STAB2: variants seen among roughly 807,000 people sequenced by gnomAD.
The protein encoded by STAB2 is stabilin 2, also known as stabilin-2.
STAB2 carries 288 observed loss-of-function variants against 338.1 expected under a neutral mutation model. That is an observed-to-expected ratio of 0.85 (90% CI 0.77 to 0.94). STAB2 has a LOEUF of 0.94. Among genes scored for constraint, STAB2 ranks in the 40% least tolerant of loss-of-function variants. STAB2 has a pLI of 0.00. For missense variants in STAB2, 3,141 were observed against 3,210.1 expected (o/e 0.98, Z 0.52); for synonymous variants, 1,202 against 1,193.3 (o/e 1.01, Z -0.15).
chr12:103,620,056 G>A (rs752162534), intron 3 of STAB2, among the ~76,000 whole-genome samples: 1 of 152,174 alleles, frequency 6.6e-6, no homozygotes, highest in Non-Finnish European at 1.5e-5. Context: ...CCTGGCCTTA[G>A]TCAAGCCAAG....
chr12:103,764,103 A>G (rs1273841999), intron 68 of STAB2, among the ~76,000 whole-genome samples: 2 of 151,630 alleles, frequency 1.3e-5, no homozygotes, highest in Non-Finnish European at 2.9e-5. Context: ...ACAGGCGCAT[A>G]CCACCATGCC....
At chr12:103,658,329 C>T (rs549122024) in intron 15 of STAB2, among the ~76,000 whole-genome samples, 7 of 152,270 alleles carry the variant, frequency 4.6e-5, no homozygotes, top group South Asian at 4.1e-4. Context: ...TCTTCAACAA[C>T]GACAGCTCCT....
intron 6 of STAB2, 99 bp downstream of exon 6, chr12:103,631,792 G>A (rs1957467660): frequency 9.5e-6 from 11 of 1,155,896 alleles, no homozygotes; most frequent in South Asian, 2.9e-5. Context: ...GCAGGGGCAA[G>A]GTACTACCAA....
rs1399542909 is a variant in STAB2, at chr12:103,670,713, C to T, written c.2277C>T (p.Gly759=). The T allele has an allele frequency of 8.7e-6, 14 of 1,613,874 alleles. No homozygotes were observed. The highest frequency in any genetic ancestry group is 1.6e-4 in the Middle Eastern group (1 of 6,084). ...SGNGQCADSL[G]GNGTCICEEG... is the part of the protein sequence containing the mutation. ...GCTCCCAGTGTGCAGATAGCCTCGGCGGCAACGGGACATGCATTTGTGAGG... is the reference window on the plus strand; with the variant it reads ...GCTCCCAGTGTGCAGATAGCCTCGGTGGCAACGGGACATGCATTTGTGAGG... Residue 759 remains glycine (G), a synonymous_variant, in exon 22 of 69, where the codon GGC becomes GGT. Transcript: ENST00000388887.
intron 49 of STAB2, among the ~76,000 whole-genome samples, chr12:103,730,866 T>C (rs1881580902): frequency 6.6e-6 from 1 of 152,084 alleles, no homozygotes; most frequent in African/African-American, 2.4e-5. Flanking sequence ...CTGGGCAACA[T>C]AGTGAAACCC....
At chr12:103,672,347 A>T (rs538112237) in intron 22 of STAB2, among the ~76,000 whole-genome samples, 172 of 152,310 alleles carry the variant, frequency 1.1e-3, no homozygotes, top group African/African-American at 4.0e-3. Context: ...CAATGTTGGC[A>T]TTTGTCTGAG....
chr12:103,739,458 G>C lies in STAB2; in HGVS notation c.5744G>C (p.Ser1915Thr), dbSNP rs770085047. ...AATACTCCCAGCTGCCCAAGGTGGA[G>C]TAAACCAAAGGTAATTAAGACTGCA... is the stretch of plus-strand genomic sequence containing the variant. ...CVNTPSCPRWSKPKGVKQKCL... is the reference protein window; with the variant it reads ...CVNTPSCPRWTKPKGVKQKCL... Residue 1915 changes from serine to threonine, a missense_variant, in exon 54 of 69, where the codon AGT (serine) becomes ACT (threonine). By Grantham distance (58) the Ser-to-Thr change is moderately conservative. Coordinates refer to ENST00000388887, the MANE Select transcript of STAB2 (RefSeq NM_017564.10). 6.3e-7 allele frequency: 1 copy of C among 1,592,934 alleles called. No individual in the cohort carries two copies. Among genetic ancestry groups the C allele is most frequent in the East Asian group, 2.3e-5 (1 of 43,472 alleles).
At chr12:103,727,088 A>T (rs1881266043) in intron 46 of STAB2, among the ~76,000 whole-genome samples, 179 bp from the exon 47 acceptor site, 1 of 152,244 alleles carries the variant, frequency 6.6e-6, no homozygotes, top group South Asian at 2.1e-4. Context: ...ATGAGAAGAA[A>T]ACCACACACA....
chr12:103,716,180 C>CT (rs1205989509), intron 43 of STAB2, among the ~76,000 whole-genome samples: 1 of 152,216 alleles, frequency 6.6e-6, no homozygotes, highest in Non-Finnish European at 1.5e-5. Flanking sequence ...AAATACTCCA[C>CT]TTTCTTTCAG....
Position 103,587,507 on chromosome 12 carries a change from C to G in STAB2, c.31C>G (p.Leu11Val), listed in dbSNP as rs905209957. Residue 11 changes from leucine to valine, a missense_variant, in exon 1 of 69, where the codon CTT becomes GTT. Physicochemically the swap from Leu to Val is conservative, Grantham distance 32. Transcript: ENST00000388887. MMLQHLVIFC[L>V]GLVVQNFCSP... ...GCTACAACATTTAGTAATTTTTTGTCTTGGATTGGTTGTACAAAATTTCTG... is the reference window on the plus strand; with the variant it reads ...GCTACAACATTTAGTAATTTTTTGTGTTGGATTGGTTGTACAAAATTTCTG... 7 of 1,613,952 alleles carry G rather than the reference C, an allele frequency of 4.3e-6. No homozygotes were observed. Among genetic ancestry groups the G allele is most frequent in the Non-Finnish European group, 5.9e-6 (7 of 1,179,912 alleles).
At chr12:103,678,626 A>T (rs1369255244) in intron 25 of STAB2, among the ~76,000 whole-genome samples, 1 of 152,140 alleles carries the variant, frequency 6.6e-6, no homozygotes, top group Non-Finnish European at 1.5e-5. Context: ...TTCTGGGTTC[A>T]TGCCATTCTC....
chr12:103,651,378 A>G (rs1438282948), intron 11 of STAB2, among the ~76,000 whole-genome samples: 1 of 149,700 alleles, frequency 6.7e-6, no homozygotes, highest in Admixed American at 6.7e-5. Flanking sequence ...CAGTGGCGCA[A>G]TCTCGGCTCA....
intron 5 of STAB2, among the ~76,000 whole-genome samples, chr12:103,630,609 T>C (rs973190741): frequency 5.9e-5 from 9 of 152,178 alleles, no homozygotes; most frequent in African/African-American, 2.2e-4. Context: ...GAGTCCAATG[T>C]AATCACAAGA....
chr12:103,671,675 C>T (rs1875807209), intron 22 of STAB2, among the ~76,000 whole-genome samples: 1 of 152,150 alleles, frequency 6.6e-6, no homozygotes, highest in South Asian at 2.1e-4. Context: ...AAAACATGTG[C>T]CACAAATATT....
intron 3 of STAB2, among the ~76,000 whole-genome samples, chr12:103,603,069 T>C (rs79706771): frequency 6.6e-6 from 1 of 152,048 alleles, no homozygotes; most frequent in African/African-American, 2.4e-5. Flanking sequence ...TTTTTGTTTT[T>C]GTTTTGTTTT....
intron 54 of STAB2, among the ~76,000 whole-genome samples, chr12:103,739,897 T>A (rs1882450650): frequency 6.6e-6 from 1 of 152,108 alleles, no homozygotes; most frequent in South Asian, 2.1e-4. Context: ...TCAGAGAGGG[T>A]AAGCAATCAG....
chr12:103,685,462 G>T (rs796665081), intron 27 of STAB2, among the ~76,000 whole-genome samples: 2 of 137,132 alleles, frequency 1.5e-5, no homozygotes, highest in Non-Finnish European at 3.3e-5. Flanking sequence ...GTGCGCGTGC[G>T]TGTGTGTGTG....
intron 44 of STAB2, among the ~76,000 whole-genome samples, chr12:103,719,569 C>T (rs552500828): frequency 6.6e-6 from 1 of 152,354 alleles, no homozygotes; most frequent in East Asian, 1.9e-4. Flanking sequence ...TCCTGGCCTG[C>T]GGCCGCATCA....
intron 65 of STAB2, among the ~76,000 whole-genome samples, chr12:103,760,797 T>G (rs998886281): frequency 1.3e-5 from 2 of 152,252 alleles, no homozygotes; most frequent in Admixed American, 1.3e-4. Flanking sequence ...TTTAGACTAG[T>G]GTCTCTCAAA....
Sources: gnomAD v4.1 joint callset for allele counts (sites outside exome capture counted in the v4.1 genomes callset) on GRCh38, gnomAD v4.1.1 for gene constraint, MANE v1.5 for transcripts, NCBI Gene and HGNC (gene_info 2026-07-23, HGNC 2026-07-21) for gene names.